Variants in VIPR2 observed in about 807,000 individuals in gnomAD.
VIPR2 encodes the protein vasoactive intestinal polypeptide receptor 2.
A neutral mutation model predicts 58.0 loss-of-function variants in VIPR2; 48 were observed. The observed-to-expected ratio is 0.83, with a 90% CI of 0.66 to 1.05. The LOEUF is 1.05. VIPR2 is among the 50% of genes least tolerant of loss of function. The pLI is 0.00. For synonymous variants in VIPR2, 243 were observed against 235.2 expected (o/e 1.03, Z -0.30); for missense variants, 534 against 558.0 (o/e 0.96, Z 0.43).
At chr7:159,062,450 C>T (rs904146222) in intron 4 of VIPR2, among the ~76,000 whole-genome samples, 1 of 152,170 alleles carries the variant, frequency 6.6e-6, no homozygotes, top group Non-Finnish European at 1.5e-5. Context: ...CTGCTGGATT[C>T]GCGGTCTCGC....
intron 4 of VIPR2, among the ~76,000 whole-genome samples, chr7:159,090,857 C>A (rs1437223110): frequency 9.0e-6 from 1 of 111,562 alleles, no homozygotes; most frequent in Non-Finnish European, 1.9e-5. Context: ...TCACAATCCC[C>A]GGTGACCTCA....
At chr7:159,032,468 G>A (rs930899030) in intron 10 of VIPR2, among the ~76,000 whole-genome samples, 3 of 152,188 alleles carry the variant, frequency 2.0e-5, no homozygotes, top group East Asian at 3.9e-4. Flanking sequence ...GCTGCCACAC[G>A]CAGGTTTAAA....
At chr7:159,057,930 G>A (rs973405818) in intron 5 of VIPR2, among the ~76,000 whole-genome samples, 5 of 152,110 alleles carry the variant, frequency 3.3e-5, no homozygotes, top group Non-Finnish European at 5.9e-5. Flanking sequence ...ACAACCTCAC[G>A]TGCCATGCTA....
chr7:159,071,533 A>C (rs1378137742), intron 4 of VIPR2, among the ~76,000 whole-genome samples: 1 of 152,014 alleles, frequency 6.6e-6, no homozygotes, highest in Non-Finnish European at 1.5e-5. Context: ...CCACAACCCC[A>C]CCAGCCTCAT....
chr7:159,031,910 G>T lies in VIPR2; in HGVS notation c.1101+28C>A. The T allele has an allele frequency of 6.2e-7, 1 of 1,614,144 alleles. No homozygotes were observed. Among genetic ancestry groups the T allele is most frequent in the Non-Finnish European group, 8.5e-7 (1 of 1,180,032 alleles). The stretch of plus-strand genomic sequence containing the variant: ...ATGGTCAGGCAGGACCCGCGCTCGG[G>T]GGAGGGCGGCCGCCTCCGCACACCT... On this transcript the variant is annotated intron_variant, in intron 11 of 12. Coordinates refer to ENST00000262178, the MANE Select transcript of VIPR2 (RefSeq NM_003382.5). The surrounding 1 kb of genome is among the most constrained non-coding windows in gnomAD (Gnocchi z 4.0).
chr7:159,127,155 TTCTG>T lies in VIPR2; in HGVS notation c.151+15287_151+15290del, dbSNP rs1796683849. Among the ~76,000 whole-genome samples, 1 of 152,322 alleles carries T rather than the reference TTCTG, an allele frequency of 6.6e-6. No homozygotes were observed. The highest frequency in any genetic ancestry group is 2.4e-5 in the African/African-American group (1 of 41,570). ...TTCAGATGACTCAGATACGCTGACA[TTCTG>T]TCTAATTAGTGCGCTGCATGCATCC... On this transcript the variant is annotated intron_variant, in intron 2 of 12. Coordinates refer to ENST00000262178, the MANE Select transcript of VIPR2 (RefSeq NM_003382.5). This position sits in a 1 kb window ranked among gnomAD's most constrained non-coding sequence, Gnocchi z 4.6.
rs117425934 is a variant in VIPR2 at position 159,038,955 on chromosome 7, C to T, written c.598-2053G>A. Among the ~76,000 whole-genome samples the T allele has an allele frequency of 4.1e-4, 62 of 152,236 alleles. No homozygotes were observed. In the East Asian group the frequency reaches 0.011, roughly 27 times the overall value. ...AGATGAATGCGGTGTTTTAGAGGGC[C>T]GGAACAGCTTGTGGAAAGATGCCAG... On this transcript the variant is annotated intron_variant, in intron 6 of 12. Transcript: ENST00000262178.
At chr7:159,034,934 C>A (rs146919074) in intron 8 of VIPR2, among the ~76,000 whole-genome samples, 1 of 152,168 alleles carries the variant, frequency 6.6e-6, no homozygotes. Context: ...TGAGCATGAA[C>A]GTGTGTCAGC....
chr7:159,100,817 C>T (rs749501195), intron 4 of VIPR2, among the ~76,000 whole-genome samples: 76 of 148,922 alleles, frequency 5.1e-4, no homozygotes, highest in African/African-American at 1.6e-3. Context: ...TGATAGTGAA[C>T]GGGTCTCACG....
chr7:159,058,434 T>C, intron 5 of VIPR2, 47 bp downstream of exon 5: 3 of 1,567,200 alleles, frequency 1.9e-6, no homozygotes, highest in Admixed American at 1.7e-5. Flanking sequence ...AATGGAAACT[T>C]TGCTTGTCTT....
chr7:159,103,804 C>A lies in VIPR2; in HGVS notation c.310G>T (p.Asp104Tyr), dbSNP rs754178749. The part of the protein sequence containing the change: ...TSDGWSETFP[D>Y]FVDACGYSDP... Reference sequence around the variant, plus strand: ...CTGTAGCCACAGGCATCGACGAAATCTGGGAACGTCTCTGACCATCCGTCA... The same window carrying A: ...CTGTAGCCACAGGCATCGACGAAATATGGGAACGTCTCTGACCATCCGTCA... Residue 104 changes from aspartate (D) to tyrosine (Y), a missense_variant, in exon 4 of 13, where the codon GAT becomes TAT. By Grantham distance (160) the Asp-to-Tyr change is radical (BLOSUM62 -3). Around this residue, in one of 3 missense-constraint regions of VIPR2, gnomAD observed 224 missense variants for 255.7 expected, o/e 0.88. Coordinates refer to ENST00000262178, the MANE Select transcript of VIPR2 (RefSeq NM_003382.5). 1 of 1,614,206 alleles carries A rather than the reference C, an allele frequency of 6.2e-7. No homozygotes were observed. Among genetic ancestry groups the A allele is most frequent in the East Asian group, 2.2e-5 (1 of 44,878 alleles).
chr7:159,101,503 C>A (rs1858235249), intron 4 of VIPR2, among the ~76,000 whole-genome samples: 1 of 133,486 alleles, frequency 7.5e-6, no homozygotes, highest in African/African-American at 3.0e-5. Context: ...CCCGACCGTT[C>A]CTGTGGTAGT....
At chr7:159,132,258 C>T (rs1358532796) in intron 2 of VIPR2, among the ~76,000 whole-genome samples, 4 of 143,360 alleles carry the variant, frequency 2.8e-5, no homozygotes, top group African/African-American at 7.7e-5. Context: ...CGGGCCACTG[C>T]ACCCACTGCT....
At position 159,102,010 on chromosome 7, in the gene VIPR2, C is replaced by T. The variant is rs543679317; in HGVS notation, c.357+1747G>A. Among the ~76,000 whole-genome samples, 85 of 118,424 alleles carry T rather than the reference C, an allele frequency of 7.2e-4. 1 individual carries two copies. Among genetic ancestry groups the T allele is most frequent in the African/African-American group, 2.2e-3 (80 of 35,682 alleles). 77.7% of individuals were successfully genotyped at this position (118,424 alleles called of 152,430 possible). A position where few individuals can be genotyped will look rare whatever the true frequency, so the allele number is the denominator to read the frequency against. ...GGTAGTGAATGAGTCTCACGAGATC[C>T]GACGAGGCAGTTCCGACTGTTCCTG... On this transcript the variant is annotated intron_variant, in intron 4 of 12. Coordinates refer to ENST00000262178, the MANE Select transcript of VIPR2 (RefSeq NM_003382.5).
rs1585548414 is a variant in VIPR2, at chr7:159,125,709, C to G, written c.152-15790G>C. Among the ~76,000 whole-genome samples, 3 of 152,192 alleles carry G rather than the reference C, an allele frequency of 2.0e-5. No homozygotes were observed. In the South Asian group the frequency reaches 6.2e-4, roughly 32 times the overall value. ...GATTTCCATCCCTGCCTTACTTTGA[C>G]TTTCTGCTCAGAGACCCTTCAAAAT... On this transcript the variant is annotated intron_variant, in intron 2 of 12. Coordinates refer to ENST00000262178, the MANE Select transcript of VIPR2 (RefSeq NM_003382.5).
At chr7:159,125,999 G>A (rs931210893) in intron 2 of VIPR2, among the ~76,000 whole-genome samples, 2 of 152,168 alleles carry the variant, frequency 1.3e-5, no homozygotes, top group South Asian at 2.1e-4. Context: ...GTTAAACAAA[G>A]CTCCAGAATG....
At chr7:159,124,196 G>T (rs1003167242) in intron 2 of VIPR2, among the ~76,000 whole-genome samples, 2 of 152,144 alleles carry the variant, frequency 1.3e-5, no homozygotes, top group African/African-American at 2.4e-5. Flanking sequence ...ATTGCTTTTG[G>T]TGTCTTTGTT....
intron 2 of VIPR2, among the ~76,000 whole-genome samples, chr7:159,113,725 C>G (rs557885463): frequency 3.9e-5 from 6 of 152,284 alleles, no homozygotes; most frequent in Admixed American, 2.0e-4. Context: ...CAATGATGTA[C>G]ACCAGCAATG....
chr7:159,063,472 C>G (rs1855845441), intron 4 of VIPR2, among the ~76,000 whole-genome samples: 2 of 151,986 alleles, frequency 1.3e-5, no homozygotes, highest in African/African-American at 4.8e-5. Context: ...CGCTGGCCCG[C>G]AAGGGCCGCG....
Sources: gnomAD v4.1 joint callset for allele counts (sites outside exome capture counted in the v4.1 genomes callset) on GRCh38, gnomAD v4.1.1 for gene constraint, gnomAD v4.1.1 regional missense constraint, Gnocchi (gnomAD v3.1) non-coding constraint, MANE v1.5 for transcripts, NCBI Gene and HGNC (gene_info 2026-07-23, HGNC 2026-07-21) for gene names.